Variants in CNOT1 observed in about 807,000 individuals in gnomAD.
CNOT1 encodes the protein CCR4-associated factor 1.
A neutral mutation model predicts 273.8 loss-of-function variants in CNOT1; 15 were observed. The observed-to-expected ratio is 0.05, with a 90% confidence interval of 0.04 to 0.08. The LOEUF is 0.08. Among genes scored for constraint, CNOT1 ranks in the 10% least tolerant of loss-of-function variants. The probability of loss-of-function intolerance (pLI) is 1.00; values close to 1 mark genes in which losing one functional copy is unlikely to be tolerated. For synonymous variants in CNOT1, 1,022 were observed against 1,005.5 expected, an observed-to-expected ratio of 1.02 and a Z score of -0.31; for missense variants, 1,644 against 2,912.2, an observed-to-expected ratio of 0.56 and a Z score of 10.02.
rs139663924 is a variant in CNOT1 at position 58,585,990 on chromosome 16, G to A, written c.638-484C>T. ...GTTAATCCACTATCAGATTTGTTGT[G>A]AAAAGAATTCTTATCTTTCTCAAAC... On this transcript the variant is annotated intron_variant, in intron 7 of 48. Coordinates refer to ENST00000317147, the MANE Select transcript of CNOT1 (RefSeq NM_016284.5). Among the ~76,000 whole-genome samples, 288 of 151,676 alleles carry A rather than the reference G, an allele frequency of 1.9e-3. 1 individual carries two copies. The highest frequency in any genetic ancestry group is 0.014 in the Middle Eastern group (4 of 292).
rs545429851 is a variant in CNOT1 at position 58,568,711 on chromosome 16, C to A, written c.1979+5898G>T. On this transcript the variant is annotated intron_variant, in intron 16 of 48. Transcript: ENST00000317147. The stretch of plus-strand genomic sequence containing the variant: ...AAAAAAAAGAGAGAAAAAAAAAAAA[C>A]TTTGGAAGTAAAGACTAAGGTGGCT... 2.6e-3 allele frequency among the ~76,000 whole-genome samples: 397 copies of A among 151,652 alleles called. 2 individuals carry two copies. Among genetic ancestry groups the A allele is most frequent in the African/African-American group, 9.0e-3 (372 of 41,398 alleles).
intron 22 of CNOT1, among the ~76,000 whole-genome samples, chr16:58,553,505 T>C (rs915253553): frequency 4.3e-5 from 5 of 115,946 alleles, no homozygotes; most frequent in African/African-American, 1.8e-4. Context: ...AGTAAAACTG[T>C]TTATTCTTCA....
intron 1 of CNOT1, among the ~76,000 whole-genome samples, chr16:58,602,434 T>C (rs1261927732): frequency 6.6e-6 from 1 of 151,430 alleles, no homozygotes; most frequent in Admixed American, 6.6e-5. Context: ...ACACCTATAA[T>C]CCCAGCTACT....
chr16:58,520,139 C>CCATT lies in CNOT1; in HGVS notation c.*815_*818dup, dbSNP rs2039314380. 6.6e-6 allele frequency: 1 copy of CCATT among 152,200 alleles called. No homozygotes were observed. Among genetic ancestry groups the CCATT allele is most frequent in the South Asian group, 2.1e-4 (1 of 4,826 alleles). 9.4% of individuals were successfully genotyped at this position (152,200 alleles called of 1,614,324 possible). On this transcript the variant is annotated 3_prime_UTR_variant, in exon 49 of 49. Coordinates refer to ENST00000317147, the MANE Select transcript of CNOT1 (RefSeq NM_016284.5). ...TCATTATTCAGCTTAGCCTGTATGG[C>CCATT]CATTCATTCAGTGGGGTAATGGGGG...
chr16:58,571,215 AAT>A (rs1403229822), intron 16 of CNOT1, among the ~76,000 whole-genome samples: 1 of 152,210 alleles, frequency 6.6e-6, no homozygotes, highest in Non-Finnish European at 1.5e-5. Context: ...AAAAACTGTT[AAT>A]AGAGACAAAG....
intron 12 of CNOT1, among the ~76,000 whole-genome samples, chr16:58,579,203 G>T (rs2041569297): frequency 6.6e-6 from 1 of 152,136 alleles, no homozygotes; most frequent in South Asian, 2.1e-4. Flanking sequence ...TAAACACCAT[G>T]AGAAAACAGG....
chr16:58,545,127 T>C (rs887152092), intron 30 of CNOT1, among the ~76,000 whole-genome samples: 2 of 152,236 alleles, frequency 1.3e-5, no homozygotes, highest in African/African-American at 2.4e-5. Flanking sequence ...AATTTTAGTA[T>C]CATGGGTTTG....
chr16:58,620,653 T>A (rs1236642291), intron 1 of CNOT1, among the ~76,000 whole-genome samples: 1 of 106,836 alleles, frequency 9.4e-6, no homozygotes, highest in East Asian at 2.8e-4. Flanking sequence ...CTGTCTCATT[T>A]AAAAAAAAAA....
intron 1 of CNOT1, among the ~76,000 whole-genome samples, chr16:58,610,607 G>A (rs1474100809): frequency 4.6e-5 from 7 of 152,124 alleles, no homozygotes; most frequent in African/African-American, 1.7e-4. Flanking sequence ...ACTTTGGGAG[G>A]CCAAGGAGGG....
chr16:58,562,536 G>T (rs918609196), intron 16 of CNOT1, among the ~76,000 whole-genome samples: 11 of 151,434 alleles, frequency 7.3e-5, no homozygotes, highest in Middle Eastern at 3.4e-3. Context: ...AAAGCGGCGG[G>T]GGGGCGGCCA....
chr16:58,548,755 T>C, intron 25 of CNOT1: 1 of 401,934 alleles, frequency 2.5e-6, no homozygotes, highest in Non-Finnish European at 4.9e-6. Context: ...TTGAATTTTG[T>C]TGAATAAGCC....
At position 58,551,835 on chromosome 16, in the gene CNOT1, G is replaced by C; in HGVS notation, c.2971-16C>G. On this transcript the variant is annotated splice_polypyrimidine_tract_variant and intron_variant, in intron 22 of 48. Transcript: ENST00000317147. ...ACTCAATATACTAAAAGGGTAGGGA[G>C]AGGAAAAAGAGTTAACCTTAATTGC... is the stretch of plus-strand genomic sequence containing the variant. 1.2e-6 allele frequency: 2 copies of C among 1,611,622 alleles called. No homozygotes were observed. Among genetic ancestry groups the C allele is most frequent in the Non-Finnish European group, 1.7e-6 (2 of 1,178,342 alleles).
intron 1 of CNOT1, among the ~76,000 whole-genome samples, chr16:58,613,053 T>C (rs1186049021): frequency 6.6e-6 from 1 of 152,034 alleles, no homozygotes; most frequent in East Asian, 1.9e-4. Context: ...TTTGTTTGTT[T>C]TTCAGACTCG....
At chr16:58,609,655 G>C (rs1392945200) in intron 1 of CNOT1, among the ~76,000 whole-genome samples, 1 of 151,796 alleles carries the variant, frequency 6.6e-6, no homozygotes, top group Non-Finnish European at 1.5e-5. Flanking sequence ...TAGACACCGG[G>C]TCTCACTTTG....
At chr16:58,569,340 T>C (rs1302731593) in intron 16 of CNOT1, among the ~76,000 whole-genome samples, 1 of 152,132 alleles carries the variant, frequency 6.6e-6, no homozygotes, top group Non-Finnish European at 1.5e-5. Context: ...CCAGCTGGTC[T>C]CAAACTCCTG....
chr16:58,564,883 C>A (rs573689200), intron 16 of CNOT1, among the ~76,000 whole-genome samples: 9 of 151,908 alleles, frequency 5.9e-5, no homozygotes, highest in Middle Eastern at 6.8e-3. Context: ...TTGCAGTGAG[C>A]GAAGATTGTG....
chr16:58,605,945 G>A (rs1429252656), intron 1 of CNOT1, among the ~76,000 whole-genome samples: 2 of 151,958 alleles, frequency 1.3e-5, no homozygotes, highest in South Asian at 2.1e-4. Context: ...CATGAGCCAC[G>A]GTACCCAGCC....
intron 17 of CNOT1, among the ~76,000 whole-genome samples, chr16:58,559,051 A>C (rs1202965276): frequency 6.6e-6 from 1 of 152,244 alleles, no homozygotes; most frequent in Non-Finnish European, 1.5e-5. Flanking sequence ...TGTTTCACAT[A>C]TACCTATATA....
intron 16 of CNOT1, among the ~76,000 whole-genome samples, chr16:58,562,356 T>C (rs2040882722): frequency 1.3e-5 from 2 of 150,846 alleles, no homozygotes; most frequent in Admixed American, 1.3e-4. Flanking sequence ...TTTTAAAAAT[T>C]AGCCAGGTGT....
Sources: allele counts gnomAD v4.1 joint callset (sites outside exome capture counted in the v4.1 genomes callset), GRCh38; gene constraint gnomAD v4.1.1; transcripts MANE v1.5; gene names NCBI Gene and HGNC (gene_info 2026-07-23, HGNC 2026-07-21).